The following CPXM2 variants were observed in gnomAD, a reference collection of about 807,000 sequenced individuals.
CPXM2 encodes carboxypeptidase X, M14 family member 2.
In CPXM2, 66 loss-of-function variants were observed where a neutral mutation model predicts 86.1. That is an observed-to-expected ratio of 0.77 (90% CI 0.63 to 0.94). The LOEUF (loss-of-function observed/expected upper bound fraction) is 0.94. Ranked by LOEUF, CPXM2 falls within the 40% of genes least tolerant of loss-of-function variation. The pLI, the probability that CPXM2 is intolerant of heterozygous loss-of-function variation, is 0.00. For missense variants in CPXM2, 948 were observed against 1,026.3 expected, an observed-to-expected ratio of 0.92 and a Z score of 1.04; for synonymous variants, 388 against 400.2, an observed-to-expected ratio of 0.97 and a Z score of 0.36.
chr10:123,851,886 C>G (rs1230858918), intron 3 of CPXM2, among the ~76,000 whole-genome samples: 1 of 151,718 alleles, frequency 6.6e-6, no homozygotes, highest in African/African-American at 2.4e-5. Context: ...TATCTGAACA[C>G]AGAGACACAC....
intron 3 of CPXM2, among the ~76,000 whole-genome samples, chr10:123,849,123 TTAGA>T (rs1320006801): frequency 6.6e-6 from 1 of 152,360 alleles, no homozygotes; most frequent in African/African-American, 2.4e-5. Context: ...TCCGTGTTTC[TTAGA>T]TATTCTATTT....
chr10:123,803,157 G>T, intron 4 of CPXM2, among the ~76,000 whole-genome samples: 2 of 58,636 alleles, frequency 3.4e-5, no homozygotes, highest in African/African-American at 5.4e-5. Flanking sequence ...TTTTGAGACA[G>T]CGTTTTGCTC....
intron 4 of CPXM2, among the ~76,000 whole-genome samples, chr10:123,802,729 G>A (rs1035420949): frequency 6.6e-5 from 10 of 152,204 alleles, no homozygotes; most frequent in South Asian, 4.1e-4. Flanking sequence ...ACGTTCAGCC[G>A]CATTATTTTC....
chr10:123,939,957 G>A (rs1405347351), intron 1 of CPXM2, among the ~76,000 whole-genome samples: 2 of 152,178 alleles, frequency 1.3e-5, no homozygotes, highest in African/African-American at 4.8e-5. Flanking sequence ...CTGGGTAGGG[G>A]CATCTGCAGG....
chr10:123,826,727 T>C (rs965135603), intron 4 of CPXM2, among the ~76,000 whole-genome samples: 1 of 152,108 alleles, frequency 6.6e-6, no homozygotes, highest in Non-Finnish European at 1.5e-5. Flanking sequence ...TCAGAAAAGT[T>C]GAAATCGACT....
chr10:123,872,300 A>G (rs1944907927), intron 2 of CPXM2, among the ~76,000 whole-genome samples: 1 of 152,262 alleles, frequency 6.6e-6, no homozygotes, highest in Non-Finnish European at 1.5e-5. Context: ...AAGAGAATGA[A>G]TAAATAACCT....
intron 4 of CPXM2, among the ~76,000 whole-genome samples, chr10:123,810,088 T>C (rs1045112722): frequency 4.6e-5 from 7 of 152,006 alleles, no homozygotes; most frequent in Admixed American, 2.0e-4. Context: ...AAAACTAAGG[T>C]AGCTATAATA....
chr10:123,757,216 C>A lies in CPXM2; in HGVS notation c.1914G>T (p.Glu638Asp). 1 of 1,614,052 alleles carries A rather than the reference C, an allele frequency of 6.2e-7. No individual in the cohort carries two copies. Among genetic ancestry groups the A allele is most frequent in the Non-Finnish European group, 8.5e-7 (1 of 1,179,938 alleles). Reference sequence around the variant, plus strand: ...CAGCCACACACCCGCAATATACCTGCTCCATGAACACGATCAGAGATTCCC... The same window carrying A: ...CAGCCACACACCCGCAATATACCTGATCCATGAACACGATCAGAGATTCCC... ...NNRESLIVFM[E>D]QVHRGIKGLV... Residue 638 changes from glutamate to aspartate, a missense_variant, in exon 12 of 14, where the codon GAG becomes GAT. Coordinates refer to ENST00000241305, the MANE Select transcript of CPXM2 (RefSeq NM_198148.3).
At chr10:123,785,886 G>A (rs1359065763) in intron 6 of CPXM2, among the ~76,000 whole-genome samples, 2 of 152,246 alleles carry the variant, frequency 1.3e-5, no homozygotes, top group East Asian at 3.9e-4. Context: ...GCCCGCCTCA[G>A]CCTCCCAAAG....
rs148532272 is a variant in CPXM2, at chr10:123,889,270, G to A, written c.304+2086C>T. On this transcript the variant is annotated intron_variant, in intron 1 of 13. Transcript: ENST00000241305. ...AGGAATGATGTCCGGTCACTTGTAC[G>A]AGTCCCCAGGACAATCAAGCTGACT... Among the ~76,000 whole-genome samples the A allele has an allele frequency of 9.0e-3, 1,367 of 152,140 alleles. 23 individuals are homozygous for A. The highest frequency in any genetic ancestry group is 0.032 in the African/African-American group (1,315 of 41,490).
At chr10:123,805,745 G>GA (rs143877056) in intron 4 of CPXM2, among the ~76,000 whole-genome samples, 8,134 of 151,588 alleles carry the variant, frequency 0.054, 282 homozygotes, top group South Asian at 0.1. Context: ...ATTAAGATTG[G>GA]AAAAAAAATC....
At chr10:123,898,665 A>T (rs1200503560) in intron 2 of CPXM2, among the ~76,000 whole-genome samples, 1 of 139,104 alleles carries the variant, frequency 7.2e-6, no homozygotes, top group Middle Eastern at 3.7e-3. Context: ...CAAAAGTTCC[A>T]GATCATTTTT....
chr10:123,832,876 T>C (rs948850992), intron 4 of CPXM2, among the ~76,000 whole-genome samples: 1 of 149,806 alleles, frequency 6.7e-6, no homozygotes, highest in Non-Finnish European at 1.5e-5. Flanking sequence ...CCCTCATGAA[T>C]GGATTAGCGC....
At chr10:123,880,145 T>TTGCCCCCCCCCCCC in intron 2 of CPXM2, 66 bp downstream of exon 2, 1 of 407,580 alleles carries the variant, frequency 2.5e-6, no homozygotes, top group Non-Finnish European at 4.8e-6. Flanking sequence ...CAGGGGCCTG[T>TTGCCCCCCCCCCCC]ACCCACCCAC....
chr10:123,826,906 C>T (rs11248290), intron 4 of CPXM2, among the ~76,000 whole-genome samples: 37,588 of 151,748 alleles, frequency 0.25, 5,869 homozygotes, highest in African/African-American at 0.44. Flanking sequence ...AACATAGCAT[C>T]GACATTAATG....
At chr10:123,895,395 A>T (rs1223655939), upstream of CPXM2, among the ~76,000 whole-genome samples, 1 of 152,142 alleles carries the variant, frequency 6.6e-6, no homozygotes, top group Non-Finnish European at 1.5e-5. Flanking sequence ...AAGTGCTGGG[A>T]TTACAGGCGT....
At chr10:123,751,652 C>T (rs994633465) in intron 13 of CPXM2, 1 of 985,282 alleles carries the variant, frequency 1.0e-6, no homozygotes, top group Non-Finnish European at 1.2e-6. Context: ...TACCAGCTTC[C>T]CTCCCTGTGG....
intron 2 of CPXM2, among the ~76,000 whole-genome samples, chr10:123,923,863 A>T (rs150074705): frequency 3.3e-5 from 5 of 152,190 alleles, no homozygotes; most frequent in Non-Finnish European, 7.3e-5. Flanking sequence ...CATGTGAGAC[A>T]TGCCTTTCAC....
At chr10:123,799,444 C>A (rs41317274) in intron 4 of CPXM2, among the ~76,000 whole-genome samples, 17,027 of 152,142 alleles carry the variant, frequency 0.11, 1,257 homozygotes, top group African/African-American at 0.23. Context: ...TGTAAGCCTC[C>A]GTTTAATGCC....
Sources: gnomAD v4.1 joint callset for allele counts (sites outside exome capture counted in the v4.1 genomes callset) on GRCh38, gnomAD v4.1.1 for gene constraint, MANE v1.5 for transcripts, NCBI Gene and HGNC (gene_info 2026-07-23, HGNC 2026-07-21) for gene names.